Variants in CUL5 observed in about 807,000 individuals in gnomAD.
The protein encoded by CUL5 is cullin 5.
A neutral mutation model predicts 108.8 loss-of-function variants in CUL5; 26 were observed. The observed-to-expected ratio is 0.24, with a 90% CI of 0.18 to 0.33. The LOEUF is 0.33. Ranked by LOEUF, CUL5 falls within the 10% of genes least tolerant of loss-of-function variation. The probability of loss-of-function intolerance (pLI) is 1.00; values close to 1 mark genes in which losing one functional copy is unlikely to be tolerated. For missense variants in CUL5, 524 were observed against 909.2 expected (o/e 0.58, Z 5.45); for synonymous variants, 334 against 298.0 (o/e 1.12, Z -1.25).
chr11:108,078,291 A>G (rs767023056), intron 11 of CUL5, 51 bp downstream of exon 11: 4 of 1,054,632 alleles, frequency 3.8e-6, no homozygotes, highest in Middle Eastern at 2.2e-4. Context: ...TCTTTAGTGT[A>G]ATAGGGGTTA....
chr11:108,050,188 G>T, intron 4 of CUL5, 122 bp downstream of exon 4: 2 of 677,228 alleles, frequency 3.0e-6, no homozygotes, highest in Non-Finnish European at 4.9e-6. Flanking sequence ...TTGCTTTTCA[G>T]CTCTTAACTA....
In CUL5 at chr11:108,030,796, A is replaced by G. The variant is rs1253427297; in HGVS notation, c.25-3006A>G. 3.9e-5 allele frequency among the ~76,000 whole-genome samples: 6 copies of G among 152,328 alleles called. No homozygotes were observed. In the East Asian group the frequency reaches 7.7e-4, roughly 20 times the overall value. On this transcript the variant is annotated intron_variant, in intron 1 of 18. Coordinates refer to ENST00000393094, the MANE Select transcript of CUL5 (RefSeq NM_003478.6). ...CTTAACCTAGTTTGGGTCATAGACC[A>G]TCTAACATTATTTTTATGTAATTTT...
chr11:108,090,198 G>T (rs1864316953), intron 13 of CUL5, among the ~76,000 whole-genome samples: 1 of 151,292 alleles, frequency 6.6e-6, no homozygotes, highest in African/African-American at 2.4e-5. Context: ...TTAATAAATA[G>T]ACTACAGGGG....
rs1864772173 is a variant in CUL5, at chr11:108,105,451, C to T, written c.*1067C>T. The stretch of plus-strand genomic sequence containing the variant: ...CCTAGGGGTAAGAGAAAAACCACAA[C>T]ATAAGACCTGAAAAACAGAAGCAAA... On this transcript the variant is annotated 3_prime_UTR_variant, in exon 19 of 19. Coordinates refer to ENST00000393094, the MANE Select transcript of CUL5 (RefSeq NM_003478.6). 6.6e-6 allele frequency: 1 copy of T among 152,500 alleles called. No individual in the cohort carries two copies. Among genetic ancestry groups the T allele is most frequent in the African/African-American group, 2.4e-5 (1 of 41,430 alleles). 9.4% of individuals were successfully genotyped at this position (152,500 alleles called of 1,614,324 possible).
intron 4 of CUL5, among the ~76,000 whole-genome samples, chr11:108,050,624 T>C (rs1056005382): frequency 6.6e-6 from 1 of 152,182 alleles, no homozygotes; most frequent in African/African-American, 2.4e-5. Flanking sequence ...TGCCTCAGCC[T>C]CCGAAACTGT....
At chr11:108,056,233 C>T (rs1480101191) in intron 7 of CUL5, among the ~76,000 whole-genome samples, 1 of 152,152 alleles carries the variant, frequency 6.6e-6, no homozygotes, top group Non-Finnish European at 1.5e-5. Flanking sequence ...AATAGTATTT[C>T]CTCTGGTTCC....
At chr11:108,056,342 A>T (rs10890802) in intron 7 of CUL5, among the ~76,000 whole-genome samples, 89,252 of 151,574 alleles carry the variant, frequency 0.59, 27,950 homozygotes, top group East Asian at 0.91. Context: ...GGGATTTAAA[A>T]TTTTTTTTTA....
intron 10 of CUL5, among the ~76,000 whole-genome samples, chr11:108,075,117 T>C (rs550039634): frequency 2.5e-3 from 382 of 152,164 alleles, no homozygotes; most frequent in African/African-American, 9.1e-3. Flanking sequence ...TAAGAACTTA[T>C]TTAAATAATT....
In CUL5 at chr11:108,094,931, A is replaced by G; in HGVS notation, c.1687A>G (p.Lys563Glu). ...GATACCGGAAGTAGAAGAATTCTAC[A>G]AAAAAAATCATAGTGGTAGAAAATT... ...DLIPEVEEFY[K>E]KNHSGRKLHW... The change falls in exon 15 of 19, where the codon AAA becomes GAA. Residue 563 changes from lysine to glutamate, a missense_variant. Around this residue, in one of 8 missense-constraint regions of CUL5, gnomAD observed 64 missense variants for 152.0 expected, o/e 0.42. Coordinates refer to ENST00000393094, the MANE Select transcript of CUL5 (RefSeq NM_003478.6). 6.2e-7 allele frequency: 1 copy of G among 1,610,186 alleles called. No individual in the cohort carries two copies. Among genetic ancestry groups the G allele is most frequent in the East Asian group, 2.2e-5 (1 of 44,766 alleles).
At position 108,098,477 on chromosome 11, in the gene CUL5, T is replaced by C; in HGVS notation, c.2096T>C (p.Met699Thr). 1.2e-6 allele frequency: 2 copies of C among 1,600,710 alleles called. No individual in the cohort carries two copies. Among genetic ancestry groups the C allele is most frequent in the Non-Finnish European group, 8.5e-7 (1 of 1,173,802 alleles). Residue 699 changes from methionine to threonine, a missense_variant, in exon 18 of 19, where the codon ATG becomes ACG. Physicochemically the swap from Met to Thr is moderately conservative, Grantham distance 81. Transcript: ENST00000393094. ...IGRLQLTTER[M>T]REEENEGIVQ... Reference sequence around the variant, plus strand: ...CGTTTGCAGCTCACTACAGAAAGGATGAGAGAAGAAGAGAATGAAGGAATA... The same window carrying C: ...CGTTTGCAGCTCACTACAGAAAGGACGAGAGAAGAAGAGAATGAAGGAATA...
chr11:108,093,431 C>G (rs1864406444), intron 13 of CUL5, among the ~76,000 whole-genome samples: 1 of 152,190 alleles, frequency 6.6e-6, no homozygotes, highest in African/African-American at 2.4e-5. Flanking sequence ...TCACTAAGTT[C>G]CTCAACACTG....
intron 4 of CUL5, 43 bp downstream of exon 4, chr11:108,050,109 A>G: frequency 1.3e-6 from 2 of 1,483,774 alleles, no homozygotes; most frequent in South Asian, 2.7e-5. Flanking sequence ...TTCTTCAGAA[A>G]GAGGGTAATT....
chr11:108,013,844 G>C (rs1389532761), intron 1 of CUL5, among the ~76,000 whole-genome samples: 1 of 152,002 alleles, frequency 6.6e-6, no homozygotes, highest in Admixed American at 6.6e-5. Context: ...TGAGGTGAGA[G>C]GATTACCTGA....
rs1268866468 is a variant in CUL5 at position 108,106,731 on chromosome 11, T to C, written c.*2347T>C. On this transcript the variant is annotated 3_prime_UTR_variant, in exon 19 of 19. Coordinates refer to ENST00000393094, the MANE Select transcript of CUL5 (RefSeq NM_003478.6). ...GTTTGTAAAGGTCTGGAATCACAGT[T>C]GGCATCCTTTATTCAGGTCTCTTCT... is the stretch of plus-strand genomic sequence containing the variant. 6.6e-6 allele frequency: 1 copy of C among 151,382 alleles called. No individual in the cohort carries two copies. The highest frequency in any genetic ancestry group is 2.4e-5 in the African/African-American group (1 of 41,072). The allele number at this position is 151,382 out of a possible 1,614,324, so 9.4% of individuals were successfully genotyped here.
In CUL5 at chr11:108,090,884, C is replaced by G. The variant is rs1864336576; in HGVS notation, c.1443+1261C>G. Among the ~76,000 whole-genome samples, 5 of 152,178 alleles carry G rather than the reference C, an allele frequency of 3.3e-5. 1 individual carries two copies. In the South Asian group the frequency reaches 1.0e-3, roughly 32 times the overall value. Reference sequence around the variant, plus strand: ...GTAAAAATTACTGTGCTAACTGAAACTGCTTAGTAGGAAAAAGAATGATTA... The same window carrying G: ...GTAAAAATTACTGTGCTAACTGAAAGTGCTTAGTAGGAAAAAGAATGATTA... On this transcript the variant is annotated intron_variant, in intron 13 of 18. Coordinates refer to ENST00000393094, the MANE Select transcript of CUL5 (RefSeq NM_003478.6).
At chr11:108,100,609 A>G (rs1864635469) in intron 18 of CUL5, among the ~76,000 whole-genome samples, 1 of 152,228 alleles carries the variant, frequency 6.6e-6, no homozygotes. Context: ...TATACAATAA[A>G]GGAAATAATT....
Position 108,098,494 on chromosome 11 carries a change from GA to G in CUL5, c.2115del (p.Gly706GlufsTer2). 6.3e-7 allele frequency: 1 copy of G among 1,592,472 alleles called. No homozygotes were observed. Among genetic ancestry groups the G allele is most frequent in the South Asian group, 1.1e-5 (1 of 87,470 alleles). The stretch of plus-strand genomic sequence containing the variant: ...AGAAAGGATGAGAGAAGAAGAGAAT[GA>G]AGGAATAGTTCAACTACGAATACTA... ...TTERMREEEN[E>X]GIVQLRILRT... On this transcript the variant is annotated frameshift_variant, in exon 18 of 19. Coordinates refer to ENST00000393094, the MANE Select transcript of CUL5 (RefSeq NM_003478.6). LOFTEE classifies it high-confidence loss of function.
In CUL5 at chr11:108,055,980, T is replaced by C. The variant is rs1250657034; in HGVS notation, c.780+1025T>C. On this transcript the variant is annotated intron_variant, in intron 7 of 18. Coordinates refer to ENST00000393094, the MANE Select transcript of CUL5 (RefSeq NM_003478.6). ...TTTTCATAGAGAGCAGGTCTTGCTA[T>C]GTAGCCCAGGCTGGTTTTGAACTCC... Among the ~76,000 whole-genome samples, 3 of 152,170 alleles carry C rather than the reference T, an allele frequency of 2.0e-5. No individual in the cohort carries two copies. In the East Asian group the frequency reaches 5.8e-4, roughly 29 times the overall value.
intron 14 of CUL5, 90 bp from the exon 15 acceptor site, chr11:108,094,722 T>G: frequency 1.9e-6 from 2 of 1,071,644 alleles, no homozygotes; most frequent in South Asian, 3.5e-5. Context: ...TTTATAGTCT[T>G]ATTGATTTTT....
Sources: gnomAD v4.1 joint callset for allele counts (sites outside exome capture counted in the v4.1 genomes callset) on GRCh38, gnomAD v4.1.1 for gene constraint, gnomAD v4.1.1 regional missense constraint, MANE v1.5 for transcripts, NCBI Gene and HGNC (gene_info 2026-07-23, HGNC 2026-07-21) for gene names.